The following LRSAM1 variants were observed in gnomAD, a reference collection of about 807,000 sequenced individuals.
LRSAM1 encodes the protein E3 ubiquitin-protein ligase LRSAM1.
LRSAM1 carries 96 observed loss-of-function variants against 118.1 expected under a neutral mutation model. The ratio of observed to expected loss-of-function variants is 0.81; its 90% CI spans 0.69 to 0.96. LRSAM1 has a LOEUF of 0.96. Among genes scored for constraint, LRSAM1 ranks in the 40% least tolerant of loss-of-function variants. The pLI is 0.00. For missense variants in LRSAM1, 804 were observed against 915.5 expected (o/e 0.88, Z 1.57); for synonymous variants, 322 against 364.2 (o/e 0.88, Z 1.32).
intron 15 of LRSAM1, among the ~76,000 whole-genome samples, chr9:127,481,736 A>G (rs1835546898): frequency 6.6e-6 from 1 of 152,158 alleles, no homozygotes; most frequent in Non-Finnish European, 1.5e-5. Flanking sequence ...AAGGCTAGAT[A>G]TATAATGTCC....
intron 20 of LRSAM1, among the ~76,000 whole-genome samples, chr9:127,492,550 T>C (rs559272141): frequency 1.3e-5 from 2 of 152,370 alleles, no homozygotes; most frequent in South Asian, 4.1e-4. Context: ...ATTTCTTTTG[T>C]TTGATGTTTC....
At chr9:127,483,394 C>G (rs575678736) in intron 16 of LRSAM1, among the ~76,000 whole-genome samples, 2 of 151,732 alleles carry the variant, frequency 1.3e-5, no homozygotes, top group Non-Finnish European at 2.9e-5. Context: ...CTGCAGTGAG[C>G]TGTGATCACA....
intron 14 of LRSAM1, 98 bp downstream of exon 14, chr9:127,480,076 C>G (rs1835482650): frequency 1.1e-5 from 17 of 1,526,346 alleles, no homozygotes; most frequent in Non-Finnish European, 1.5e-5. Context: ...GCCTCTGCCC[C>G]TGCCCCGGGC....
chr9:127,470,498 CAG>C (rs1198862597), intron 10 of LRSAM1, among the ~76,000 whole-genome samples: 1 of 152,074 alleles, frequency 6.6e-6, no homozygotes, highest in African/African-American at 2.4e-5. Flanking sequence ...GGTGGGGACA[CAG>C]AGCCAGACCA....
chr9:127,489,772 G>A (rs769110240), intron 19 of LRSAM1, among the ~76,000 whole-genome samples: 4 of 152,224 alleles, frequency 2.6e-5, no homozygotes, highest in East Asian at 1.9e-4. Flanking sequence ...TCTCCACCAC[G>A]CCTGGGCCAG....
Position 127,495,301 on chromosome 9 carries a change from C to T in LRSAM1, c.1600-19C>T, listed in dbSNP as rs769196517. 5.0e-6 allele frequency: 8 copies of T among 1,609,344 alleles called. No individual in the cohort carries two copies. In the Admixed American group the frequency reaches 1.3e-4, roughly 27 times the overall value. On this transcript the variant is annotated intron_variant, in intron 21 of 25. Transcript: ENST00000300417. ...TATTACCATTTTGTGACTAACATTGCCTGCTTCATTCCTGGCAGACGGAGT... is the reference window on the plus strand; with the variant it reads ...TATTACCATTTTGTGACTAACATTGTCTGCTTCATTCCTGGCAGACGGAGT...
At chr9:127,458,339 G>A (rs959659607) in intron 6 of LRSAM1, among the ~76,000 whole-genome samples, 9 of 150,430 alleles carry the variant, frequency 6.0e-5, no homozygotes, top group Non-Finnish European at 8.8e-5. Context: ...CCGAGATTGC[G>A]CCACTGCAGT....
chr9:127,468,145 G>C (rs1835030086), intron 10 of LRSAM1, among the ~76,000 whole-genome samples: 1 of 152,180 alleles, frequency 6.6e-6, no homozygotes, highest in African/African-American at 2.4e-5. Flanking sequence ...TGTTCCGCCA[G>C]TAGGTGCATA....
intron 8 of LRSAM1, 30 bp downstream of exon 8, chr9:127,461,287 C>A: frequency 1.3e-6 from 2 of 1,594,242 alleles, no homozygotes; most frequent in East Asian, 2.3e-5. Context: ...GTCCGTGTGA[C>A]CCTCCATCAG....
chr9:127,497,199 C>A (rs1403489262), intron 23 of LRSAM1, 54 bp from the exon 24 acceptor site: 2 of 1,585,182 alleles, frequency 1.3e-6, no homozygotes, highest in Non-Finnish European at 1.7e-6. Context: ...TGGCTCACAC[C>A]ATTTAGCGGG....
Position 127,497,338 on chromosome 9 carries a change from C to T in LRSAM1, c.1912+4C>T, listed in dbSNP as rs756632290. 4 of 1,611,494 alleles carry T rather than the reference C, an allele frequency of 2.5e-6. No homozygotes were observed. Among genetic ancestry groups the T allele is most frequent in the Non-Finnish European group, 3.4e-6 (4 of 1,179,660 alleles). On this transcript the variant is annotated splice_donor_region_variant and intron_variant, in intron 24 of 25. Coordinates refer to ENST00000300417, the MANE Select transcript of LRSAM1 (RefSeq NM_001005373.4). ...GATGCAGCCAGGATCCAGCCAGGTA[C>T]AAGCACAGCTCCAGCCTCTTCCAGG...
chr9:127,461,546 G>A (rs974762440), intron 8 of LRSAM1, among the ~76,000 whole-genome samples: 5 of 152,230 alleles, frequency 3.3e-5, no homozygotes, highest in Non-Finnish European at 7.3e-5. Flanking sequence ...GGTGAGTGTA[G>A]AGGACTGATG....
intron 16 of LRSAM1, 57 bp downstream of exon 16, chr9:127,483,077 G>A: frequency 6.5e-7 from 1 of 1,529,116 alleles, no homozygotes; most frequent in Non-Finnish European, 9.0e-7. Context: ...GGCTGGCAGG[G>A]TGGATGGCCC....
At chr9:127,489,381 G>T (rs1835845139) in intron 18 of LRSAM1, 63 bp from the exon 19 acceptor site, 4 of 1,553,244 alleles carry the variant, frequency 2.6e-6, no homozygotes, top group Non-Finnish European at 2.6e-6. Flanking sequence ...TTTTCACAGG[G>T]ATGGGGCTGC....
Position 127,492,786 on chromosome 9 carries a change from G to T in LRSAM1, c.1504-16G>T, listed in dbSNP as rs1215804539. 6.2e-6 allele frequency: 10 copies of T among 1,612,460 alleles called. No individual in the cohort carries two copies. Among genetic ancestry groups the T allele is most frequent in the Non-Finnish European group, 7.6e-6 (9 of 1,179,394 alleles). On this transcript the variant is annotated splice_polypyrimidine_tract_variant and intron_variant, in intron 20 of 25. Coordinates refer to ENST00000300417, the MANE Select transcript of LRSAM1 (RefSeq NM_001005373.4). ...CCGCCAGCTCACGGTGGTGCGGGGT[G>T]TGGTCTTGTTCGCAGGAGATGATCT...
chr9:127,497,947 G>T (rs755004129), intron 24 of LRSAM1, among the ~76,000 whole-genome samples: 1 of 152,224 alleles, frequency 6.6e-6, no homozygotes. Flanking sequence ...AAACTGAAGC[G>T]CAAAGAGGTT....
In LRSAM1 at chr9:127,481,181, A is replaced by G; in HGVS notation, c.1044-2A>G. 6.2e-7 allele frequency: 1 copy of G among 1,614,050 alleles called. No homozygotes were observed. The highest frequency in any genetic ancestry group is 8.5e-7 in the Non-Finnish European group (1 of 1,180,014). On this transcript the variant is annotated splice_acceptor_variant, in intron 14 of 25. Transcript: ENST00000300417. LOFTEE classifies it high-confidence loss of function. ...CAGGACCTTTTATGATTTTCTCCAC[A>G]GACAAAAGAAAAGCTCCGAGATTTT... is the stretch of plus-strand genomic sequence containing the variant.
intron 20 of LRSAM1, among the ~76,000 whole-genome samples, 173 bp from the exon 21 acceptor site, chr9:127,492,629 G>A (rs1012965453): frequency 1.3e-5 from 2 of 152,230 alleles, no homozygotes; most frequent in African/African-American, 2.4e-5. Flanking sequence ...AGAGAGATGC[G>A]GGCTTAGGGT....
At chr9:127,487,575 C>A in intron 17 of LRSAM1, 101 bp from the exon 18 acceptor site, 1 of 1,115,752 alleles carries the variant, frequency 9.0e-7, no homozygotes. Flanking sequence ...ATGTGGTCCA[C>A]TGAAGAAATG....
Sources: gnomAD v4.1 joint callset for allele counts (sites outside exome capture counted in the v4.1 genomes callset) on GRCh38, gnomAD v4.1.1 for gene constraint, MANE v1.5 for transcripts, NCBI Gene and HGNC (gene_info 2026-07-23, HGNC 2026-07-21) for gene names.